PCDH7: variants seen among roughly 807,000 people sequenced by gnomAD.
The protein encoded by PCDH7 is protocadherin-7.
In PCDH7, 17 loss-of-function variants were observed where a neutral mutation model predicts 58.9. The observed-to-expected ratio is 0.29, with a 90% confidence interval of 0.20 to 0.43. The LOEUF is 0.43. Ranked by LOEUF, PCDH7 falls within the 20% of genes least tolerant of loss-of-function variation. The probability of loss-of-function intolerance (pLI) is 1.00; values close to 1 mark genes in which losing one functional copy is unlikely to be tolerated. For missense variants in PCDH7, 1,274 were observed against 1,441.0 expected (o/e 0.88, Z 1.88); for synonymous variants, 664 against 616.4 (o/e 1.08, Z -1.14).
chr4:30,732,165 T>C (rs914945143), exon 2 of PCDH7: 1 of 152,200 alleles, frequency 6.6e-6, no homozygotes, highest in Non-Finnish European at 1.5e-5. Context: ...AGGGAAATTT[T>C]CAGAAACATC....
At chr4:31,003,291 G>T (rs987074308) in intron 3 of PCDH7, among the ~76,000 whole-genome samples, 1 of 151,818 alleles carries the variant, frequency 6.6e-6, no homozygotes, top group East Asian at 1.9e-4. Flanking sequence ...TTAAGTAGTA[G>T]CATCTTACCA....
At chr4:31,040,224 A>T (rs964604451) in intron 3 of PCDH7, among the ~76,000 whole-genome samples, 1 of 152,142 alleles carries the variant, frequency 6.6e-6, no homozygotes, top group Non-Finnish European at 1.5e-5. Flanking sequence ...TCACTTCAGG[A>T]AATTTCTTTG....
chr4:30,737,871 T>C (rs190520459), downstream of PCDH7, among the ~76,000 whole-genome samples: 58 of 152,332 alleles, frequency 3.8e-4, 1 homozygote, highest in African/African-American at 1.3e-3. Flanking sequence ...CTCAGGATGT[T>C]ATGACAAAAT....
chr4:30,745,287 G>A (rs1221634432), intron 1 of PCDH7, among the ~76,000 whole-genome samples: 1 of 151,022 alleles, frequency 6.6e-6, no homozygotes, highest in Non-Finnish European at 1.5e-5. Flanking sequence ...GGGTGTTCTA[G>A]CCCTGGGATA....
intron 1 of PCDH7, chr4:30,793,790 A>G (rs1724437568): frequency 6.6e-6 from 1 of 152,222 alleles, no homozygotes; most frequent in Non-Finnish European, 1.5e-5. Flanking sequence ...TCAATGCCCA[A>G]AGGATTCACT....
At chr4:31,134,943 C>T (rs1719417115) in intron 3 of PCDH7, among the ~76,000 whole-genome samples, 1 of 152,168 alleles carries the variant, frequency 6.6e-6, no homozygotes, top group Admixed American at 6.5e-5. Context: ...GTTGTCAACA[C>T]TAGTCCAGCT....
chr4:30,928,702 T>C (rs1037316635), intron 2 of PCDH7, among the ~76,000 whole-genome samples: 1 of 152,190 alleles, frequency 6.6e-6, no homozygotes. Flanking sequence ...ATTTTTATTT[T>C]ATAAATCAAA....
At chr4:30,885,599 T>C (rs1641558653) in intron 1 of PCDH7, among the ~76,000 whole-genome samples, 1 of 152,166 alleles carries the variant, frequency 6.6e-6, no homozygotes, top group Non-Finnish European at 1.5e-5. Flanking sequence ...AATGACTTTC[T>C]TCAAAGAATT....
chr4:31,011,875 GT>G (rs919252838), intron 3 of PCDH7, among the ~76,000 whole-genome samples: 2 of 151,412 alleles, frequency 1.3e-5, no homozygotes, highest in African/African-American at 4.8e-5. Flanking sequence ...ATTTTTTAAG[GT>G]CTACTTTTCT....
chr4:30,807,519 A>G (rs985412976), intron 1 of PCDH7, among the ~76,000 whole-genome samples: 4 of 152,204 alleles, frequency 2.6e-5, no homozygotes, highest in African/African-American at 7.2e-5. Flanking sequence ...AAGAACTGCA[A>G]TCATGAGCTT....
chr4:31,114,066 T>C (rs905919417), intron 3 of PCDH7, among the ~76,000 whole-genome samples: 3 of 152,058 alleles, frequency 2.0e-5, no homozygotes, highest in African/African-American at 7.2e-5. Flanking sequence ...AATCCTGACC[T>C]CAGGTGATCC....
In PCDH7 at chr4:30,722,701, G is replaced by A. The variant is rs1371263172; in HGVS notation, c.1279G>A (p.Asp427Asn). 3 of 1,613,478 alleles carry A rather than the reference G, an allele frequency of 1.9e-6. No individual in the cohort carries two copies. In the Admixed American group the frequency reaches 5.0e-5, roughly 27 times the overall value. Residue 427 changes from aspartate (D) to asparagine (N), a missense_variant, in exon 1 of 2, where the codon GAC (aspartate) becomes AAC (asparagine). By Grantham distance (23) the Asp-to-Asn change is conservative. Coordinates refer to ENST00000361762, the Ensembl canonical transcript of PCDH7. The surrounding 1 kb of genome is among the most constrained non-coding windows in gnomAD (Gnocchi z 7.6). ...CAAGATTGGGCGCATCCCCCTCAAG[G>A]ACGGGGTGGCCAACGTGGCCGAGGA...
At chr4:30,775,756 G>A (rs1040007468) in intron 1 of PCDH7, among the ~76,000 whole-genome samples, 2 of 152,074 alleles carry the variant, frequency 1.3e-5, no homozygotes, top group Admixed American at 6.5e-5. Context: ...AATTAGCCAG[G>A]CATGGTGACG....
At chr4:31,141,857 G>T (rs80126462) in intron 3 of PCDH7, among the ~76,000 whole-genome samples, 3 of 152,234 alleles carry the variant, frequency 2.0e-5, no homozygotes, top group Non-Finnish European at 4.4e-5. Context: ...GGGCAGGTGC[G>T]TGATATTGCT....
At chr4:31,046,496 A>G (rs1302484986) in intron 3 of PCDH7, among the ~76,000 whole-genome samples, 8 of 152,074 alleles carry the variant, frequency 5.3e-5, no homozygotes, top group Admixed American at 5.3e-4. Context: ...TCAAATAATC[A>G]GGGTTACAGT....
In PCDH7 at chr4:30,722,047, GGCGGCGGGAACGGCGCGA is replaced by G. The variant is rs949868518; in HGVS notation, c.633_650del (p.Asn212_Gly217del). The stretch of plus-strand genomic sequence containing the variant: ...GGCCGACAGCGCCCCCTACCCCGGG[GGCGGCGGGAACGGCGCGA>G]GCGGCGGCGGCTCGGGAGGCTCCAA... On this transcript the variant is annotated inframe_deletion, in exon 1 of 2. Transcript: ENST00000361762. The surrounding 1 kb of genome is among the most constrained non-coding windows in gnomAD (Gnocchi z 7.6). 9.7e-6 allele frequency: 12 copies of G among 1,241,678 alleles called. No homozygotes were observed. Among genetic ancestry groups the G allele is most frequent in the African/African-American group, 1.6e-5 (1 of 63,974 alleles). 76.9% of individuals were successfully genotyped at this position (1,241,678 alleles called of 1,614,324 possible). A position where few individuals can be genotyped will look rare whatever the true frequency, so the allele number is the denominator to read the frequency against.
intron 3 of PCDH7, among the ~76,000 whole-genome samples, chr4:31,068,498 G>A (rs1251038487): frequency 6.6e-6 from 1 of 151,962 alleles, no homozygotes. Context: ...CCACATTTCA[G>A]CACAAAGAAT....
chr4:30,943,752 C>T (rs115111804), intron 2 of PCDH7, among the ~76,000 whole-genome samples: 258 of 150,708 alleles, frequency 1.7e-3, no homozygotes, highest in Non-Finnish European at 2.9e-3. Context: ...CATCAGCTAT[C>T]ATTACTGTTA....
In PCDH7 at chr4:30,916,591, C is replaced by A. The variant is rs564409276; in HGVS notation, c.71-3562C>A. Among the ~76,000 whole-genome samples, 9 of 152,280 alleles carry A rather than the reference C, an allele frequency of 5.9e-5. No individual in the cohort carries two copies. In the South Asian group the frequency reaches 1.9e-3, roughly 32 times the overall value. The stretch of plus-strand genomic sequence containing the variant: ...TAGACCAATTTACATTTACAAGACA[C>A]AAAATCGTTTATCACCCCAGACAGA... On this transcript the variant is annotated intron_variant, in intron 1 of 3. Transcript: ENST00000509759.
Sources: allele counts gnomAD v4.1 joint callset (sites outside exome capture counted in the v4.1 genomes callset), GRCh38; gene constraint gnomAD v4.1.1; non-coding constraint Gnocchi (gnomAD v3.1); transcripts MANE v1.5; gene names NCBI Gene and HGNC (gene_info 2026-07-23, HGNC 2026-07-21).